The following SLC9A9 variants were observed in gnomAD, a reference collection of about 807,000 sequenced individuals.
SLC9A9 encodes sodium/hydrogen exchanger 9.
A neutral mutation model predicts 77.8 loss-of-function variants in SLC9A9; 62 were observed. That is an observed-to-expected ratio of 0.80 (90% CI 0.65 to 0.98). The LOEUF (loss-of-function observed/expected upper bound fraction) is 0.98, where lower values mean the gene tolerates loss of function less well. Ranked by LOEUF, SLC9A9 falls within the 50% of genes least tolerant of loss-of-function variation. The pLI is 0.00. For synonymous variants in SLC9A9, 320 were observed against 283.5 expected (o/e 1.13, Z -1.29); for missense variants, 775 against 774.9 (o/e 1.00, Z 0.00).
In SLC9A9 at chr3:143,266,457, C is replaced by A. The variant is rs1937720402; in HGVS notation, c.*245G>T. 1.8e-6 allele frequency: 1 copy of A among 568,276 alleles called. No individual in the cohort carries two copies. Among genetic ancestry groups the A allele is most frequent in the South Asian group, 2.0e-5 (1 of 49,666 alleles). 35.2% of individuals were successfully genotyped at this position (568,276 alleles called of 1,614,324 possible). On this transcript the variant is annotated 3_prime_UTR_variant, in exon 16 of 16. Coordinates refer to ENST00000316549, the MANE Select transcript of SLC9A9 (RefSeq NM_173653.4). ...AGACTCCTGATACCTCCATCCCCAC[C>A]CCAGCCAATCCAGTAATCAGAATGG...
At position 143,795,030 on chromosome 3, in the gene SLC9A9, C is replaced by G. The variant is rs767621690; in HGVS notation, c.504G>C (p.Leu168Phe). ...NLGSILTYAFLGTAISCIVIG... is the reference protein window; with the variant it reads ...NLGSILTYAFFGTAISCIVIG... ...TGACGATGCAGGAGATGGCAGTTCC[C>G]AAGAAGGCATACGTTAAAATAGATC... Residue 168 changes from leucine (L) to phenylalanine (F), a missense_variant, in exon 4 of 16, where the codon TTG (leucine) becomes TTC (phenylalanine). Coordinates refer to ENST00000316549, the MANE Select transcript of SLC9A9 (RefSeq NM_173653.4). 19 of 1,613,580 alleles carry G rather than the reference C, an allele frequency of 1.2e-5. No individual in the cohort carries two copies. In the Admixed American group the frequency reaches 3.2e-4, roughly 27 times the overall value.
intron 14 of SLC9A9, among the ~76,000 whole-genome samples, chr3:143,307,007 T>C (rs2030816683): frequency 6.6e-6 from 1 of 152,220 alleles, no homozygotes; most frequent in Non-Finnish European, 1.5e-5. Flanking sequence ...CTCCCCACTC[T>C]CTGTCCGAGA....
In SLC9A9 at chr3:143,729,201, C is replaced by T. The variant is rs183912568; in HGVS notation, c.534-35894G>A. Among the ~76,000 whole-genome samples the T allele has an allele frequency of 8.3e-3, 1,266 of 152,282 alleles. 10 individuals carry two copies. The highest frequency in any genetic ancestry group is 0.014 in the Admixed American group (209 of 15,300). ...AAGGAAGCCTTCTTTGCCCCCAAGT[C>T]TAAGTTAAATACCACCCCATTGAGC... On this transcript the variant is annotated intron_variant, in intron 4 of 15. Coordinates refer to ENST00000316549, the MANE Select transcript of SLC9A9 (RefSeq NM_173653.4).
chr3:143,687,097 T>TA (rs2108777747), intron 5 of SLC9A9, among the ~76,000 whole-genome samples: 1 of 152,216 alleles, frequency 6.6e-6, no homozygotes, highest in African/African-American at 2.4e-5. Flanking sequence ...AAGGAGGAGA[T>TA]AAAATGAATC....
At chr3:143,757,726 T>C (rs1033046142) in intron 4 of SLC9A9, among the ~76,000 whole-genome samples, 1 of 152,152 alleles carries the variant, frequency 6.6e-6, no homozygotes, top group African/African-American at 2.4e-5. Flanking sequence ...TTCTATCTCT[T>C]GACATCTTCA....
intron 12 of SLC9A9, among the ~76,000 whole-genome samples, chr3:143,413,460 C>T (rs779822873): frequency 2.6e-5 from 4 of 152,150 alleles, no homozygotes; most frequent in African/African-American, 9.7e-5. Context: ...CAGACTCCCA[C>T]CTCAGAGAGA....
chr3:143,618,636 G>A (rs1012142664), intron 6 of SLC9A9, among the ~76,000 whole-genome samples: 1 of 152,156 alleles, frequency 6.6e-6, no homozygotes, highest in South Asian at 2.1e-4. Flanking sequence ...ACGATGACAG[G>A]AGAATGACCA....
chr3:143,517,723 T>G, intron 9 of SLC9A9: 3 of 1,597,876 alleles, frequency 1.9e-6, no homozygotes, highest in Non-Finnish European at 2.5e-6. Flanking sequence ...TGTCACAGTC[T>G]TGGATGGCAG....
At chr3:143,607,079 T>C (rs1259329001) in intron 6 of SLC9A9, among the ~76,000 whole-genome samples, 1 of 151,330 alleles carries the variant, frequency 6.6e-6, no homozygotes, top group Non-Finnish European at 1.5e-5. Flanking sequence ...TAAATCAATA[T>C]CAAAAACAAA....
At chr3:143,558,836 T>C (rs1027742862) in intron 8 of SLC9A9, among the ~76,000 whole-genome samples, 3 of 152,162 alleles carry the variant, frequency 2.0e-5, no homozygotes, top group Non-Finnish European at 4.4e-5. Context: ...TGTTTTGAAA[T>C]GTGAGAACAT....
intron 12 of SLC9A9, among the ~76,000 whole-genome samples, chr3:143,458,914 T>C (rs533927295): frequency 6.6e-6 from 1 of 152,152 alleles, no homozygotes; most frequent in Non-Finnish European, 1.5e-5. Flanking sequence ...TTGGCATTCT[T>C]TTTTTAAAGA....
chr3:143,761,166 C>T (rs2007107993), intron 4 of SLC9A9, among the ~76,000 whole-genome samples: 1 of 152,192 alleles, frequency 6.6e-6, no homozygotes, highest in African/African-American at 2.4e-5. Context: ...TGCATCCCTT[C>T]CTTACACCTT....
intron 14 of SLC9A9, among the ~76,000 whole-genome samples, chr3:143,354,513 C>T (rs375084505): frequency 6.6e-6 from 1 of 152,214 alleles, no homozygotes; most frequent in South Asian, 2.1e-4. Context: ...AGGACTGTGT[C>T]TCACTGGCAG....
At chr3:143,768,522 A>C (rs1038385940) in intron 4 of SLC9A9, among the ~76,000 whole-genome samples, 1 of 152,194 alleles carries the variant, frequency 6.6e-6, no homozygotes, top group Non-Finnish European at 1.5e-5. Flanking sequence ...ACTACAGGGG[A>C]TATATCTCAT....
At chr3:143,582,498 C>T (rs1325666871) in intron 6 of SLC9A9, among the ~76,000 whole-genome samples, 3 of 152,154 alleles carry the variant, frequency 2.0e-5, no homozygotes, top group African/African-American at 4.8e-5. Context: ...TGGTCAGTTA[C>T]CACTGTGGGC....
intron 2 of SLC9A9, among the ~76,000 whole-genome samples, chr3:143,818,693 A>G (rs2009084067): frequency 1.6e-5 from 1 of 61,034 alleles, no homozygotes; most frequent in South Asian, 1.0e-3. Context: ...GAATGTCCAA[A>G]CCTATTGAGT....
intron 12 of SLC9A9, among the ~76,000 whole-genome samples, chr3:143,445,565 G>A (rs2034826567): frequency 6.6e-6 from 1 of 152,146 alleles, no homozygotes; most frequent in Non-Finnish European, 1.5e-5. Context: ...AAAACAGATG[G>A]CACAGAGCTC....
rs191085605 is a variant in SLC9A9, at chr3:143,466,100, C to T, written c.1469+937G>A. ...ATCCTACTATGTGCCAGGCACTATA[C>T]TAGGTGCTGTAATAACAGACTCTTG... On this transcript the variant is annotated intron_variant, in intron 12 of 15. Coordinates refer to ENST00000316549, the MANE Select transcript of SLC9A9 (RefSeq NM_173653.4). Among the ~76,000 whole-genome samples, 329 of 152,308 alleles carry T rather than the reference C, an allele frequency of 2.2e-3. 2 individuals carry two copies. The highest frequency in any genetic ancestry group is 3.4e-3 in the Middle Eastern group (1 of 294).
At chr3:143,523,319 A>G (rs1375607634) in intron 9 of SLC9A9, among the ~76,000 whole-genome samples, 1 of 152,182 alleles carries the variant, frequency 6.6e-6, no homozygotes, top group Non-Finnish European at 1.5e-5. Context: ...GAAATGAAAA[A>G]TCTGTATAGA....
Sources: allele counts gnomAD v4.1 joint callset (sites outside exome capture counted in the v4.1 genomes callset), GRCh38; gene constraint gnomAD v4.1.1; transcripts MANE v1.5; gene names NCBI Gene and HGNC (gene_info 2026-07-23, HGNC 2026-07-21).